The following ADCY5 variants were observed in gnomAD, a reference collection of about 807,000 sequenced individuals.
The protein encoded by ADCY5 is adenylate cyclase 5, also known as adenylate cyclase type 5.
Under a neutral mutation model 119.7 loss-of-function variants are expected in ADCY5, and 30 were observed. The observed-to-expected ratio is 0.25, with a 90% CI of 0.19 to 0.34. The LOEUF (loss-of-function observed/expected upper bound fraction) is 0.34, where lower values mean the gene tolerates loss of function less well. Among genes scored for constraint, ADCY5 ranks in the 10% least tolerant of loss-of-function variants. The pLI is 1.00. For missense variants in ADCY5, 1,324 were observed against 1,775.2 expected (o/e 0.75, Z 4.57); for synonymous variants, 753 against 762.2 (o/e 0.99, Z 0.20).
At chr3:123,309,710 G>A (rs1940435577) in intron 12 of ADCY5, among the ~76,000 whole-genome samples, 1 of 152,172 alleles carries the variant, frequency 6.6e-6, no homozygotes, top group South Asian at 2.1e-4. Context: ...TCTCCTAAAT[G>A]AATGACGTGT....
At chr3:123,339,059 G>A (rs1203710935) in intron 3 of ADCY5, among the ~76,000 whole-genome samples, 1 of 152,196 alleles carries the variant, frequency 6.6e-6, no homozygotes, top group Admixed American at 6.5e-5. Flanking sequence ...GTGGTGGATG[G>A]TGGGAAGGGA....
intron 3 of ADCY5, 136 bp downstream of exon 3, chr3:123,347,646 G>T: frequency 1.7e-6 from 2 of 1,144,026 alleles, no homozygotes; most frequent in South Asian, 2.8e-5. Context: ...GGGTGGGGCT[G>T]GCATGCTCTA....
chr3:123,379,566 T>C (rs991973377), intron 1 of ADCY5, among the ~76,000 whole-genome samples: 1 of 151,962 alleles, frequency 6.6e-6, no homozygotes, highest in Non-Finnish European at 1.5e-5. Context: ...CCACCATCGC[T>C]GCTGTGAAGT....
chr3:123,423,948 T>C (rs1317923859), intron 1 of ADCY5, among the ~76,000 whole-genome samples: 3 of 152,192 alleles, frequency 2.0e-5, no homozygotes, highest in Non-Finnish European at 4.4e-5. Flanking sequence ...GTGAGAGGCC[T>C]TGGGCAGCCT....
intron 17 of ADCY5, among the ~76,000 whole-genome samples, chr3:123,292,086 G>T (rs1175540874): frequency 2.0e-5 from 3 of 152,246 alleles, no homozygotes; most frequent in Admixed American, 6.5e-5. Context: ...CAAGAGGCCA[G>T]TAGTGCCCTA....
At chr3:123,345,761 G>GACACACAC (rs1491583420) in intron 3 of ADCY5, among the ~76,000 whole-genome samples, 46 of 36,030 alleles carry the variant, frequency 1.3e-3, no homozygotes, top group East Asian at 3.9e-3. Context: ...CAGACAGACA[G>GACACACAC]ACAGACAGAC....
chr3:123,378,979 G>A (rs12637493), intron 1 of ADCY5, among the ~76,000 whole-genome samples: 39,906 of 151,954 alleles, frequency 0.26, 6,438 homozygotes, highest in East Asian at 0.61. Flanking sequence ...TCCCTTCAGC[G>A]GTGCCTGGCC....
intron 1 of ADCY5, among the ~76,000 whole-genome samples, chr3:123,364,957 G>A (rs1428242590): frequency 2.1e-5 from 3 of 143,218 alleles, no homozygotes; most frequent in Non-Finnish European, 3.0e-5. Context: ...TTTTTGAGAC[G>A]GAGTCTTGCT....
At chr3:123,381,062 C>A (rs1396723519) in intron 1 of ADCY5, among the ~76,000 whole-genome samples, 1 of 152,330 alleles carries the variant, frequency 6.6e-6, no homozygotes, top group South Asian at 2.1e-4. Flanking sequence ...TGACAGCTTT[C>A]CCCATAGAGT....
intron 1 of ADCY5, among the ~76,000 whole-genome samples, chr3:123,357,173 C>T (rs746646435): frequency 8.6e-5 from 13 of 151,720 alleles, no homozygotes; most frequent in Non-Finnish European, 1.6e-4. Context: ...CATCTGTATG[C>T]ATTTGTTACA....
At chr3:123,306,637 C>T (rs1183434588) in intron 12 of ADCY5, among the ~76,000 whole-genome samples, 3 of 152,140 alleles carry the variant, frequency 2.0e-5, no homozygotes, top group East Asian at 1.9e-4. Context: ...TTGTGCGTTG[C>T]TGGTGGGAAT....
chr3:123,396,298 T>TAAGA (rs1295992107), intron 1 of ADCY5, among the ~76,000 whole-genome samples: 3 of 75,488 alleles, frequency 4.0e-5, no homozygotes, highest in South Asian at 3.9e-4. Context: ...AGAGGGAAAA[T>TAAGA]AAGAAAGAAA....
intron 1 of ADCY5, among the ~76,000 whole-genome samples, chr3:123,356,429 G>A (rs1160778324): frequency 6.6e-6 from 1 of 152,078 alleles, no homozygotes; most frequent in Admixed American, 6.6e-5. Context: ...ATGTACAAAG[G>A]CAATTACATG....
chr3:123,445,869 G>A (rs984706839), intron 1 of ADCY5, among the ~76,000 whole-genome samples: 1 of 152,174 alleles, frequency 6.6e-6, no homozygotes, highest in African/African-American at 2.4e-5. Flanking sequence ...GTGCATCCAT[G>A]GAGGTTACAC....
chr3:123,444,912 T>A (rs1345473030), intron 1 of ADCY5, among the ~76,000 whole-genome samples: 3 of 152,212 alleles, frequency 2.0e-5, no homozygotes, highest in Non-Finnish European at 4.4e-5. Context: ...CACTCTTACA[T>A]GCCTGCTGTT....
intron 8 of ADCY5, among the ~76,000 whole-genome samples, chr3:123,324,422 ACACAC>A (rs1941375136): frequency 1.4e-5 from 1 of 69,410 alleles, no homozygotes; most frequent in African/African-American, 9.5e-5. Flanking sequence ...ACACACACAC[ACACAC>A]ACACACACAC....
intron 1 of ADCY5, chr3:123,416,379 C>T: frequency 6.7e-7 from 1 of 1,495,562 alleles, no homozygotes. Flanking sequence ...GGGGAAGACA[C>T]CAGGCTGCTT....
intron 1 of ADCY5, among the ~76,000 whole-genome samples, chr3:123,367,535 C>A (rs970435224): frequency 6.6e-6 from 1 of 152,180 alleles, no homozygotes; most frequent in African/African-American, 2.4e-5. Flanking sequence ...CCCAAGCTCT[C>A]CCACCCTCAG....
intron 1 of ADCY5, among the ~76,000 whole-genome samples, chr3:123,377,396 C>G (rs1375745213): frequency 2.0e-5 from 3 of 152,272 alleles, no homozygotes; most frequent in Non-Finnish European, 4.4e-5. Flanking sequence ...CCTTTCTTTG[C>G]CCAGTTACCT....
Sources: allele counts gnomAD v4.1 joint callset (sites outside exome capture counted in the v4.1 genomes callset), GRCh38; gene constraint gnomAD v4.1.1; transcripts MANE v1.5; gene names NCBI Gene and HGNC (gene_info 2026-07-23, HGNC 2026-07-21).